CACNA2D3: variants seen among roughly 807,000 people sequenced by gnomAD.
CACNA2D3 encodes voltage-dependent calcium channel subunit alpha-2/delta-3.
CACNA2D3 carries 60 observed loss-of-function variants against 160.6 expected under a neutral mutation model. The ratio of observed to expected loss-of-function variants is 0.37; its 90% confidence interval spans 0.30 to 0.46. The LOEUF (loss-of-function observed/expected upper bound fraction) is 0.46. Among genes scored for constraint, CACNA2D3 ranks in the 20% least tolerant of loss-of-function variants. The pLI, the probability that CACNA2D3 is intolerant of heterozygous loss-of-function variation, is 1.00. For synonymous variants in CACNA2D3, 558 were observed against 492.9 expected (o/e 1.13, Z -1.75); for missense variants, 1,205 against 1,365.0 (o/e 0.88, Z 1.85).
rs145830528 is a variant in CACNA2D3, at chr3:54,164,562, G to A, written c.204+40968G>A. Among the ~76,000 whole-genome samples the A allele has an allele frequency of 2.6e-5, 4 of 152,284 alleles. No individual in the cohort carries two copies. In the East Asian group the frequency reaches 7.7e-4, roughly 29 times the overall value. Reference sequence around the variant, plus strand: ...TGTCCAGACAGCTCTTAAGCCTTGGGAGGAACCTTTTCCTCTGATCCCTTT... The same window carrying A: ...TGTCCAGACAGCTCTTAAGCCTTGGAAGGAACCTTTTCCTCTGATCCCTTT... On this transcript the variant is annotated intron_variant, in intron 2 of 37. Coordinates refer to ENST00000474759, the MANE Select transcript of CACNA2D3 (RefSeq NM_018398.3).
intron 11 of CACNA2D3, among the ~76,000 whole-genome samples, chr3:54,715,142 C>T (rs2106971781): frequency 6.6e-6 from 1 of 152,314 alleles, no homozygotes; most frequent in African/African-American, 2.4e-5. Context: ...TACTTCTGAT[C>T]GACCAGCTGT....
Position 54,525,967 on chromosome 3 carries a change from A to G in CACNA2D3, c.544+22313A>G, listed in dbSNP as rs1701717203. Reference sequence around the variant, plus strand: ...GTTCTCTCCTTCTTATATTCCCATCACCCATATGTTGGTGAATGTAATGGT... The same window carrying G: ...GTTCTCTCCTTCTTATATTCCCATCGCCCATATGTTGGTGAATGTAATGGT... On this transcript the variant is annotated intron_variant, in intron 5 of 37. Transcript: ENST00000474759. Among the ~76,000 whole-genome samples the G allele has an allele frequency of 4.0e-5, 6 of 151,410 alleles. No individual in the cohort carries two copies. The South Asian group carries it at 1.3e-3, about 32-fold the overall frequency.
chr3:54,326,118 C>T (rs1318397924), intron 3 of CACNA2D3, among the ~76,000 whole-genome samples: 5 of 152,060 alleles, frequency 3.3e-5, no homozygotes, highest in African/African-American at 4.8e-5. Context: ...ATCAGTCCAC[C>T]GATAGGGGTT....
chr3:54,185,984 T>C (rs1317303289), intron 2 of CACNA2D3, among the ~76,000 whole-genome samples: 1 of 152,162 alleles, frequency 6.6e-6, no homozygotes, highest in African/African-American at 2.4e-5. Flanking sequence ...TGTGGTTTGC[T>C]CTCCCATCCT....
At chr3:54,628,451 A>G (rs1699169657) in intron 10 of CACNA2D3, among the ~76,000 whole-genome samples, 1 of 152,194 alleles carries the variant, frequency 6.6e-6, no homozygotes, top group African/African-American at 2.4e-5. Context: ...TAGAGACACT[A>G]ATGAGGGCTT....
intron 13 of CACNA2D3, among the ~76,000 whole-genome samples, chr3:54,797,606 C>G (rs1361742244): frequency 1.3e-5 from 2 of 152,098 alleles, no homozygotes; most frequent in South Asian, 2.1e-4. Flanking sequence ...TTTGCAAGTT[C>G]TTTTTGAACT....
At chr3:54,343,074 A>G (rs1306495520) in intron 3 of CACNA2D3, among the ~76,000 whole-genome samples, 3 of 152,254 alleles carry the variant, frequency 2.0e-5, no homozygotes, top group African/African-American at 7.2e-5. Context: ...TTTCTTCAAT[A>G]GTGAGCAGTT....
At chr3:54,971,529 G>T (rs1559451177) in intron 29 of CACNA2D3, among the ~76,000 whole-genome samples, 1 of 152,214 alleles carries the variant, frequency 6.6e-6, no homozygotes, top group Admixed American at 6.5e-5. Flanking sequence ...AGCTTGAATA[G>T]TTGGTTGGCT....
chr3:54,731,988 A>G (rs913846039), intron 11 of CACNA2D3, among the ~76,000 whole-genome samples: 4 of 152,186 alleles, frequency 2.6e-5, no homozygotes, highest in Admixed American at 1.3e-4. Flanking sequence ...ATCTTCATTT[A>G]TGCCTGTGCT....
intron 8 of CACNA2D3, among the ~76,000 whole-genome samples, chr3:54,572,195 G>T (rs1333361468): frequency 6.6e-6 from 1 of 152,174 alleles, no homozygotes. Context: ...CTTCTGATCA[G>T]ACTCTCAGAA....
At chr3:54,514,694 G>T (rs1655071789) in intron 5 of CACNA2D3, among the ~76,000 whole-genome samples, 1 of 151,780 alleles carries the variant, frequency 6.6e-6, no homozygotes, top group Non-Finnish European at 1.5e-5. Flanking sequence ...CTGGGAAGGT[G>T]GGGGTGGCCA....
At chr3:54,612,464 C>T (rs902590431) in intron 9 of CACNA2D3, among the ~76,000 whole-genome samples, 1 of 152,134 alleles carries the variant, frequency 6.6e-6, no homozygotes, top group East Asian at 1.9e-4. Context: ...GTCAGGGAGG[C>T]CCGTGGAAGG....
chr3:54,743,416 CAGA>C (rs1211912058), intron 11 of CACNA2D3, among the ~76,000 whole-genome samples: 2 of 152,074 alleles, frequency 1.3e-5, no homozygotes, highest in Non-Finnish European at 1.5e-5. Flanking sequence ...TCTAGAAAGC[CAGA>C]AGGAGTTGGT....
intron 3 of CACNA2D3, among the ~76,000 whole-genome samples, chr3:54,374,788 G>A (rs941662014): frequency 6.6e-6 from 1 of 152,100 alleles, no homozygotes; most frequent in Non-Finnish European, 1.5e-5. Flanking sequence ...TCCAAGTCCT[G>A]TATATTCCTC....
chr3:54,408,018 A>G (rs1207275620), intron 4 of CACNA2D3, among the ~76,000 whole-genome samples: 1 of 152,176 alleles, frequency 6.6e-6, no homozygotes, highest in Non-Finnish European at 1.5e-5. Flanking sequence ...TACTGTGAAT[A>G]TGGCCCTGAG....
chr3:54,253,239 T>C (rs1274580430), intron 2 of CACNA2D3, among the ~76,000 whole-genome samples: 2 of 152,150 alleles, frequency 1.3e-5, no homozygotes, highest in African/African-American at 4.8e-5. Context: ...TATTAGTGTG[T>C]TCTCACCTTG....
At chr3:54,956,641 A>T (rs1701902533) in intron 27 of CACNA2D3, among the ~76,000 whole-genome samples, 1 of 152,014 alleles carries the variant, frequency 6.6e-6, no homozygotes, top group Non-Finnish European at 1.5e-5. Context: ...TTTAGTGGAG[A>T]GCTCTTTAAC....
intron 2 of CACNA2D3, among the ~76,000 whole-genome samples, chr3:54,283,952 C>T (rs536238481): frequency 1.3e-5 from 2 of 152,220 alleles, no homozygotes; most frequent in African/African-American, 4.8e-5. Flanking sequence ...GTCCCAGCTA[C>T]TCAGGAGGCT....
intron 2 of CACNA2D3, among the ~76,000 whole-genome samples, chr3:54,258,005 A>C (rs1401666686): frequency 6.6e-6 from 1 of 152,180 alleles, no homozygotes; most frequent in Middle Eastern, 3.2e-3. Flanking sequence ...AAGTGTTTTG[A>C]GGTATTTTTA....
Sources: gnomAD v4.1 joint callset for allele counts (sites outside exome capture counted in the v4.1 genomes callset) on GRCh38, gnomAD v4.1.1 for gene constraint, MANE v1.5 for transcripts, NCBI Gene and HGNC (gene_info 2026-07-23, HGNC 2026-07-21) for gene names.